Variants in ADRA1D observed in about 807,000 individuals in gnomAD.
ADRA1D encodes the protein adrenoceptor alpha 1D.
ADRA1D carries 22 observed loss-of-function variants against 18.6 expected under a neutral mutation model. That is an observed-to-expected ratio of 1.19 (90% CI 0.85 to 1.69). ADRA1D has a LOEUF of 1.69. Among genes scored for constraint, ADRA1D ranks in the 40% most tolerant of loss-of-function variants. The probability of loss-of-function intolerance (pLI) is 0.00; values close to 1 mark genes in which losing one functional copy is unlikely to be tolerated. For missense variants in ADRA1D, 840 were observed against 840.7 expected, an observed-to-expected ratio of 1.00 and a Z score of 0.01; for synonymous variants, 376 against 388.2, an observed-to-expected ratio of 0.97 and a Z score of 0.37.
chr20:4,224,095 A>G (rs570433112), intron 1 of ADRA1D, among the ~76,000 whole-genome samples: 2 of 152,288 alleles, frequency 1.3e-5, no homozygotes, highest in East Asian at 1.9e-4. Flanking sequence ...TATAGGATAA[A>G]CTCAGAAAAT....
chr20:4,225,553 C>A (rs1322187263), intron 1 of ADRA1D, among the ~76,000 whole-genome samples: 1 of 150,740 alleles, frequency 6.6e-6, no homozygotes, highest in Non-Finnish European at 1.5e-5. Flanking sequence ...TCCTGAGTAG[C>A]TGGGACTACA....
chr20:4,240,272 T>C (rs780091743), intron 1 of ADRA1D, among the ~76,000 whole-genome samples: 1 of 152,190 alleles, frequency 6.6e-6, no homozygotes, highest in Non-Finnish European at 1.5e-5. Context: ...ATCGACCATA[T>C]GCAACGTGTG....
intron 1 of ADRA1D, among the ~76,000 whole-genome samples, chr20:4,240,424 T>TA (rs1491108596): frequency 1.7e-5 from 2 of 118,122 alleles, no homozygotes; most frequent in South Asian, 2.7e-4. Context: ...TTTTTTTTTT[T>TA]ACAGTTATTA....
chr20:4,232,103 G>A (rs1440750963), intron 1 of ADRA1D, among the ~76,000 whole-genome samples: 3 of 151,752 alleles, frequency 2.0e-5, no homozygotes, highest in East Asian at 3.9e-4. Flanking sequence ...TAGTAGAGAC[G>A]GGGCTTCGCC....
At chr20:4,243,793 C>T (rs530637803) in intron 1 of ADRA1D, among the ~76,000 whole-genome samples, 1 of 152,290 alleles carries the variant, frequency 6.6e-6, no homozygotes, top group African/African-American at 2.4e-5. Flanking sequence ...TCCCTGAAAT[C>T]GCAGCATCGG....
rs1981439065 is a variant in ADRA1D, at chr20:4,248,990, G to A, written c.-33C>T. On this transcript the variant is annotated 5_prime_UTR_variant, in exon 1 of 2. Coordinates refer to ENST00000379453, the MANE Select transcript of ADRA1D (RefSeq NM_000678.4). ...CGCGGCCGTCGGTGGCCGGGCCGGG[G>A]CACAGAACGAGCGGCCGGCAGGGAG... 1.1e-5 allele frequency: 14 copies of A among 1,293,920 alleles called. No homozygotes were observed. The highest frequency in any genetic ancestry group is 1.6e-5 in the African/African-American group (1 of 63,014). 80.2% of individuals were successfully genotyped at this position (1,293,920 alleles called of 1,614,324 possible). A position where few individuals can be genotyped will look rare whatever the true frequency, so the allele number is the denominator to read the frequency against.
Position 4,247,848 on chromosome 20 carries a change from G to C in ADRA1D, c.1110C>G (p.Leu370=). 6.5e-7 allele frequency: 1 copy of C among 1,538,482 alleles called. No individual in the cohort carries two copies. Among genetic ancestry groups the C allele is most frequent in the Non-Finnish European group, 8.7e-7 (1 of 1,142,942 alleles). ...CWFPFFFVLP[L]GSLFPQLKPS... ...GCCGGTGGGAGAGGGGTCACTCACC[G>C]AGCGGCAGGACAAAGAAGAAAGGGA... Residue 370 remains leucine (L), a splice_region_variant and synonymous_variant, in exon 1 of 2, where the codon CTC becomes CTG. Coordinates refer to ENST00000379453, the MANE Select transcript of ADRA1D (RefSeq NM_000678.4).
chr20:4,243,670 G>A (rs891494121), intron 1 of ADRA1D, among the ~76,000 whole-genome samples: 2 of 152,072 alleles, frequency 1.3e-5, no homozygotes, highest in Admixed American at 6.5e-5. Context: ...TGGGCAGGAG[G>A]GTGCCCTCCC....
intron 1 of ADRA1D, among the ~76,000 whole-genome samples, chr20:4,234,798 G>A (rs1981051184): frequency 6.6e-6 from 1 of 152,208 alleles, no homozygotes; most frequent in Non-Finnish European, 1.5e-5. Context: ...GAGGGAGTGA[G>A]CCATGCATGT....
chr20:4,248,628 G>C lies in ADRA1D; in HGVS notation c.330C>G (p.Ala110=). ...GGATGACAAGCAGGTTACCTGCCAC[G>C]GCCATAAGGATGAAGGCTGCCAGGA... The part of the protein sequence containing the change: ...GVFLAAFILM[A]VAGNLLVILS... The change falls in exon 1 of 2, where the codon GCC becomes GCG. Residue 110 remains alanine (A), a synonymous_variant. Transcript: ENST00000379453. 3 of 1,613,018 alleles carry C rather than the reference G, an allele frequency of 1.9e-6. No homozygotes were observed. The highest frequency in any genetic ancestry group is 2.5e-6 in the Non-Finnish European group (3 of 1,179,786).
Position 4,248,497 on chromosome 20 carries a change from G to A in ADRA1D, c.461C>T (p.Ala154Val). The A allele has an allele frequency of 6.2e-7, 1 of 1,613,630 alleles. No individual in the cohort carries two copies. Among genetic ancestry groups the A allele is most frequent in the Non-Finnish European group, 8.5e-7 (1 of 1,179,868 alleles). Residue 154 changes from alanine to valine, a missense_variant, in exon 1 of 2, where the codon GCC (alanine) becomes GTC (valine). Physicochemically the swap from Ala to Val is moderately conservative, Grantham distance 64. Coordinates refer to ENST00000379453, the MANE Select transcript of ADRA1D (RefSeq NM_000678.4). ...LLSATVLPFSATMEVLGFWAF... is the reference protein window; with the variant it reads ...LLSATVLPFSVTMEVLGFWAF... Reference sequence around the variant, plus strand: ...CCAGAAGCCCAGAACCTCCATGGTGGCCGAGAAGGGCAGTACGGTGGCGCT... The same window carrying A: ...CCAGAAGCCCAGAACCTCCATGGTGACCGAGAAGGGCAGTACGGTGGCGCT...
Position 4,222,427 on chromosome 20 carries a change from A to C in ADRA1D, c.1112-297T>G. 3.6e-6 allele frequency: 1 copy of C among 279,062 alleles called. No individual in the cohort carries two copies. Among genetic ancestry groups the C allele is most frequent in the Non-Finnish European group, 6.6e-6 (1 of 150,560 alleles). The allele number at this position is 279,062 out of a possible 1,614,324, so 17.3% of individuals were successfully genotyped here. On this transcript the variant is annotated intron_variant, in intron 1 of 1. Coordinates refer to ENST00000379453, the MANE Select transcript of ADRA1D (RefSeq NM_000678.4). This position sits in a 1 kb window ranked among gnomAD's most constrained non-coding sequence, Gnocchi z 4.3. ...GTTTTTGTAGCTCAAAACCGGTGCA[A>C]TATTGGCAGTTTCGTATTATGAGAC...
At chr20:4,230,249 A>G (rs761177949) in intron 1 of ADRA1D, among the ~76,000 whole-genome samples, 1 of 152,122 alleles carries the variant, frequency 6.6e-6, no homozygotes, top group Non-Finnish European at 1.5e-5. Flanking sequence ...TCTATCATCT[A>G]TCTCCCTGCA....
In ADRA1D at chr20:4,248,025, C is replaced by G. The variant is rs1490035747; in HGVS notation, c.933G>C (p.Ala311=). ...CGTGCGCCCCGTCGGCGCCCGTGGC[C>G]GCGCCGCGACAGTGGATGCGCAGCA... ...EVVLRIHCRG[A]ATGADGAHGM... is the part of the protein sequence containing the mutation. The change falls in exon 1 of 2, where the codon GCG becomes GCC. Residue 311 remains alanine, a synonymous_variant. Transcript: ENST00000379453. 6.4e-7 allele frequency: 1 copy of G among 1,552,606 alleles called. No homozygotes were observed. Among genetic ancestry groups the G allele is most frequent in the Non-Finnish European group, 8.7e-7 (1 of 1,148,918 alleles).
At chr20:4,243,229 CA>C (rs1981258027) in intron 1 of ADRA1D, among the ~76,000 whole-genome samples, 1 of 152,262 alleles carries the variant, frequency 6.6e-6, no homozygotes, top group African/African-American at 2.4e-5. Flanking sequence ...CCAACTGTCC[CA>C]ACGACGCAGC....
At chr20:4,245,125 G>C (rs540303403) in intron 1 of ADRA1D, among the ~76,000 whole-genome samples, 10 of 152,348 alleles carry the variant, frequency 6.6e-5, no homozygotes, top group African/African-American at 2.4e-4. Context: ...GGACCTCAAA[G>C]AAAGCAGTGG....
intron 1 of ADRA1D, among the ~76,000 whole-genome samples, chr20:4,238,218 A>G (rs376108698): frequency 5.4e-4 from 82 of 152,110 alleles, no homozygotes; most frequent in African/African-American, 1.9e-3. Flanking sequence ...ATGCCACTGC[A>G]CTCCAACCTG....
At chr20:4,229,620 G>T (rs1048174324) in intron 1 of ADRA1D, among the ~76,000 whole-genome samples, 2 of 152,054 alleles carry the variant, frequency 1.3e-5, no homozygotes, top group African/African-American at 4.8e-5. Context: ...AGGTGGCTCC[G>T]GTATGTTTGT....
intron 1 of ADRA1D, among the ~76,000 whole-genome samples, chr20:4,244,011 A>C (rs2875939): frequency 0.82 from 125,266 of 152,122 alleles, 52,275 homozygotes; most frequent in South Asian, 0.94. Flanking sequence ...CCCACAGTTC[A>C]GGACAGCCCT....
Sources: allele counts gnomAD v4.1 joint callset (sites outside exome capture counted in the v4.1 genomes callset), GRCh38; gene constraint gnomAD v4.1.1; non-coding constraint Gnocchi (gnomAD v3.1); transcripts MANE v1.5; gene names NCBI Gene and HGNC (gene_info 2026-07-23, HGNC 2026-07-21).